Variants in KAZN observed in about 807,000 individuals in gnomAD.
The protein encoded by KAZN is kazrin.
In KAZN, 40 loss-of-function variants were observed where a neutral mutation model predicts 87.4. That is an observed-to-expected ratio of 0.46 (90% CI 0.36 to 0.60). KAZN has a LOEUF of 0.60. Among genes scored for constraint, KAZN ranks in the 20% least tolerant of loss-of-function variants. The pLI is 0.00. For synonymous variants in KAZN, 466 were observed against 458.3 expected (o/e 1.02, Z -0.22); for missense variants, 898 against 1,073.9 (o/e 0.84, Z 2.29).
chr1:14,966,082 TG>T (rs1185272267), intron 2 of KAZN, among the ~76,000 whole-genome samples: 3 of 150,116 alleles, frequency 2.0e-5, no homozygotes, highest in Non-Finnish European at 3.0e-5. Context: ...TGGGTTCAAG[TG>T]ATTCTCGTGC....
Position 14,208,475 on chromosome 1 carries a change from G to A in KAZN, c.249+27883G>A, listed in dbSNP as rs74645604. 8.1e-4 allele frequency among the ~76,000 whole-genome samples: 123 copies of A among 152,278 alleles called. 1 individual carries two copies. Among genetic ancestry groups the A allele is most frequent in the African/African-American group, 2.9e-3 (119 of 41,534 alleles). On this transcript the variant is annotated intron_variant, in intron 2 of 16. Transcript: ENST00000636203. ...CATTTATTATGTGCCAGATATGGTA[G>A]GTAGCCTCTGAGTAGACAGAGTGAA...
chr1:14,935,223 TA>T (rs1434773149), intron 1 of KAZN, among the ~76,000 whole-genome samples: 9 of 152,216 alleles, frequency 5.9e-5, no homozygotes, highest in Non-Finnish European at 1.3e-4. Context: ...CCCACCAGGG[TA>T]CAGTGGTTCT....
intron 1 of KAZN, among the ~76,000 whole-genome samples, chr1:14,952,867 T>C (rs1340307210): frequency 6.6e-6 from 1 of 152,220 alleles, no homozygotes; most frequent in Non-Finnish European, 1.5e-5. Context: ...GACCCTCATG[T>C]AGAACCTTCC....
chr1:14,770,098 G>C (rs1644982433), intron 1 of KAZN, among the ~76,000 whole-genome samples: 1 of 151,718 alleles, frequency 6.6e-6, no homozygotes, highest in African/African-American at 2.4e-5. Context: ...GGAAAGAGTG[G>C]ATGGGTCAAG....
In KAZN at chr1:13,912,608, C is replaced by T. The variant is rs575725799; in HGVS notation, c.91+18852C>T. Among the ~76,000 whole-genome samples, 19 of 151,984 alleles carry T rather than the reference C, an allele frequency of 1.3e-4. No individual in the cohort carries two copies. In the East Asian group the frequency reaches 2.3e-3, roughly 19 times the overall value. ...TGTAAAAATGAAATCCTACCTAATG[C>T]AATTCTTTTTTTTGAGACAGGGTCT... On this transcript the variant is annotated intron_variant, in intron 1 of 16. Transcript: ENST00000636203.
intron 1 of KAZN, among the ~76,000 whole-genome samples, chr1:14,017,062 T>C (rs1164141728): frequency 1.3e-5 from 2 of 152,242 alleles, no homozygotes; most frequent in Non-Finnish European, 2.9e-5. Context: ...GTCTATGTCC[T>C]GTCAGCCTAA....
chr1:14,602,920 G>T (rs903498774), intron 1 of KAZN, among the ~76,000 whole-genome samples: 65 of 152,308 alleles, frequency 4.3e-4, no homozygotes, highest in African/African-American at 1.5e-3. Context: ...TACTGCATTT[G>T]TTAGAAGGGG....
At chr1:14,265,172 T>C (rs575521918) in intron 2 of KAZN, among the ~76,000 whole-genome samples, 35 of 152,268 alleles carry the variant, frequency 2.3e-4, no homozygotes, top group African/African-American at 8.4e-4. Flanking sequence ...AATTAGTAGG[T>C]TTCTAAATAA....
chr1:14,894,623 T>A (rs755281502), intron 1 of KAZN, among the ~76,000 whole-genome samples: 2 of 152,258 alleles, frequency 1.3e-5, no homozygotes, highest in Non-Finnish European at 2.9e-5. Context: ...TTAGGGTCAC[T>A]TAATTGCTGA....
intron 1 of KAZN, among the ~76,000 whole-genome samples, chr1:14,012,637 T>C (rs72875208): frequency 0.048 from 7,304 of 152,216 alleles, 532 homozygotes; most frequent in African/African-American, 0.16. Context: ...AAACTTCATC[T>C]CTACTACAAA....
chr1:14,274,117 G>C (rs1652165945), intron 2 of KAZN, among the ~76,000 whole-genome samples: 1 of 152,158 alleles, frequency 6.6e-6, no homozygotes, highest in Non-Finnish European at 1.5e-5. Flanking sequence ...GTCTGCCTTT[G>C]AACACTGAGA....
chr1:14,890,041 G>A (rs1382616555), intron 1 of KAZN, among the ~76,000 whole-genome samples: 1 of 152,214 alleles, frequency 6.6e-6, no homozygotes, highest in Non-Finnish European at 1.5e-5. Context: ...AACACAGGAA[G>A]AGTTAGGGAG....
intron 1 of KAZN, among the ~76,000 whole-genome samples, chr1:13,945,765 T>G (rs1557737884): frequency 6.6e-6 from 1 of 151,642 alleles, no homozygotes; most frequent in Admixed American, 6.6e-5. Context: ...CTTTAGTACA[T>G]TTTTTTATGA....
chr1:14,924,555 G>A (rs1658934753), intron 1 of KAZN: 1 of 1,012,632 alleles, frequency 9.9e-7, no homozygotes. Context: ...CGAGCGGATG[G>A]CGACTGCAGC....
At chr1:15,036,177 G>A (rs905011888) in intron 3 of KAZN, among the ~76,000 whole-genome samples, 25 of 142,910 alleles carry the variant, frequency 1.7e-4, no homozygotes, top group Non-Finnish European at 1.4e-4. Context: ...TGCCCTCAGT[G>A]CCCGACTCGA....
intron 1 of KAZN, among the ~76,000 whole-genome samples, chr1:13,919,103 G>A (rs558940241): frequency 6.6e-6 from 1 of 152,286 alleles, no homozygotes; most frequent in Admixed American, 6.5e-5. Flanking sequence ...AGTGTACTAT[G>A]GCTCAGTGAG....
At chr1:14,762,816 G>A (rs1225043070) in intron 1 of KAZN, among the ~76,000 whole-genome samples, 1 of 152,104 alleles carries the variant, frequency 6.6e-6, no homozygotes, top group African/African-American at 2.4e-5. Flanking sequence ...GGCAGGCTGT[G>A]GCCTCAGCAC....
At chr1:14,855,695 G>T (rs1172569569) in intron 1 of KAZN, among the ~76,000 whole-genome samples, 1 of 152,338 alleles carries the variant, frequency 6.6e-6, no homozygotes, top group South Asian at 2.1e-4. Context: ...CTGCTCCTAT[G>T]TGCTGGGCAC....
At chr1:14,428,371 C>T (rs763442742) in intron 2 of KAZN, among the ~76,000 whole-genome samples, 3 of 152,080 alleles carry the variant, frequency 2.0e-5, no homozygotes, top group Admixed American at 6.6e-5. Context: ...AATCTCAACC[C>T]TTTCTAGACA....
Sources: allele counts gnomAD v4.1 joint callset (sites outside exome capture counted in the v4.1 genomes callset), GRCh38; gene constraint gnomAD v4.1.1; transcripts MANE v1.5; gene names NCBI Gene and HGNC (gene_info 2026-07-23, HGNC 2026-07-21).